Variants in ZNF224 observed in about 807,000 individuals in gnomAD.
The protein encoded by ZNF224 is bone marrow zinc finger 2.
Under a neutral mutation model 10.5 loss-of-function variants are expected in ZNF224, and 8 were observed. The ratio of observed to expected loss-of-function variants is 0.76; its 90% CI spans 0.45 to 1.37. The LOEUF (loss-of-function observed/expected upper bound fraction) is 1.37, where lower values mean the gene tolerates loss of function less well. Among genes scored for constraint, ZNF224 ranks in the 40% most tolerant of loss-of-function variants. The pLI is 0.00. For synonymous variants in ZNF224, 282 were observed against 287.8 expected (o/e 0.98, Z 0.20); for missense variants, 754 against 854.0 (o/e 0.88, Z 1.46).
Position 44,106,835 on chromosome 19 carries a change from C to T in ZNF224, c.675C>T (p.Val225=). The T allele has an allele frequency of 6.2e-7, 1 of 1,613,634 alleles. No individual in the cohort carries two copies. Among genetic ancestry groups the T allele is most frequent in the Non-Finnish European group, 8.5e-7 (1 of 1,179,712 alleles). ...CACATCTGCAAACTCATCAGAGAGT[C>T]CACACTGGAGAGAAACCGTTCAAAT... ...QSSHLQTHQR[V]HTGEKPFKCV... Residue 225 remains valine, a synonymous_variant, in exon 6 of 6, where the codon GTC becomes GTT. Transcript: ENST00000693561.
At chr19:44,106,266 T>G (rs551002194) in intron 5 of ZNF224, 130 bp from the exon 6 acceptor site, 1 of 947,542 alleles carries the variant, frequency 1.1e-6, no homozygotes, top group African/African-American at 1.7e-5. Context: ...AAGATTATGG[T>G]GCACTTGAAA....
At chr19:44,097,029 G>C (rs906641152) in intron 2 of ZNF224, 1 of 208,116 alleles carries the variant, frequency 4.8e-6, no homozygotes, top group Non-Finnish European at 1.0e-5. Context: ...CTTCATTGGT[G>C]ATCTCAACCT....
intron 3 of ZNF224, among the ~76,000 whole-genome samples, chr19:44,100,545 G>T (rs557804479): frequency 1.2e-4 from 19 of 152,228 alleles, no homozygotes; most frequent in African/African-American, 4.3e-4. Flanking sequence ...GTCCTAGAGG[G>T]TTACTTACAA....
intron 1 of ZNF224, chr19:44,095,010 G>A: frequency 5.2e-6 from 1 of 192,116 alleles, no homozygotes; most frequent in Non-Finnish European, 1.1e-5. Flanking sequence ...CGAGGGTTGC[G>A]TCCACTTTCA....
intron 2 of ZNF224, 75 bp from the exon 3 acceptor site, chr19:44,097,731 C>A: frequency 1.2e-6 from 1 of 833,612 alleles, no homozygotes; most frequent in Non-Finnish European, 2.0e-6. Flanking sequence ...ATTCACAATA[C>A]ACATCCCTGT....
Position 44,109,635 on chromosome 19 carries a change from T to C in ZNF224, c.*1351T>C, listed in dbSNP as rs180914415. On this transcript the variant is annotated 3_prime_UTR_variant, in exon 6 of 6. Transcript: ENST00000693561. ...AACTCCAAAAAGTAGAAGACCACAT[T>C]GATGATGTCACTGCATTTTAAAATG... 12 of 152,294 alleles carry C rather than the reference T, an allele frequency of 7.9e-5. No individual in the cohort carries two copies. The highest frequency in any genetic ancestry group is 2.0e-4 in the Admixed American group (3 of 15,302). The allele number at this position is 152,294 out of a possible 1,614,324, so 9.4% of individuals were successfully genotyped here. A position where few individuals can be genotyped will look rare whatever the true frequency, so the allele number is the denominator to read the frequency against.
chr19:44,101,171 A>G lies in ZNF224; in HGVS notation c.181A>G (p.Arg61Gly), dbSNP rs118149610. Residue 61 changes from arginine to glycine, a missense_variant, in exon 5 of 6, where the codon AGG becomes GGG. Transcript: ENST00000693561. ...AFHRDTFHFLREEKIWMMKTA... is the reference protein window; with the variant it reads ...AFHRDTFHFLGEEKIWMMKTA... ...CCACAGGGATACTTTCCACTTCCTA[A>G]GGGAAGAAAAGATTTGGATGATGAA... The G allele has an allele frequency of 0.019, 30,538 of 1,614,128 alleles. 369 individuals carry two copies. The highest frequency in any genetic ancestry group is 0.023 in the Non-Finnish European group (27,387 of 1,179,964).
At position 44,103,185 on chromosome 19, in the gene ZNF224, C is replaced by G. The variant is rs142297121; in HGVS notation, c.235+1960C>G. 2.4e-3 allele frequency among the ~76,000 whole-genome samples: 367 copies of G among 152,274 alleles called. 3 individuals are homozygous for G. Among genetic ancestry groups the G allele is most frequent in the Middle Eastern group, 0.01 (3 of 294 alleles). On this transcript the variant is annotated intron_variant, in intron 5 of 5. Coordinates refer to ENST00000693561, the MANE Select transcript of ZNF224 (RefSeq NM_001321645.3). ...TTATAACTTGGAAGGAATCAGGAAA[C>G]TGCCCTCTCAAAATACTGACATCCT...
At chr19:44,095,224 C>T (rs1406059405) in intron 1 of ZNF224, 2 of 216,662 alleles carry the variant, frequency 9.2e-6, no homozygotes, top group East Asian at 1.1e-4. Flanking sequence ...GTTGTGTCCT[C>T]GGGCATGGGG....
intron 3 of ZNF224, among the ~76,000 whole-genome samples, chr19:44,100,391 A>G (rs537059156): frequency 3.2e-4 from 49 of 152,346 alleles, no homozygotes; most frequent in Non-Finnish European, 5.0e-4. Context: ...AAGAAAAACA[A>G]TAACATCCAG....
chr19:44,107,230 G>A lies in ZNF224; in HGVS notation c.1070G>A (p.Arg357Gln), dbSNP rs142426196. 87 of 1,598,420 alleles carry A rather than the reference G, an allele frequency of 5.4e-5. No individual in the cohort carries two copies. In the East Asian group the frequency reaches 8.3e-4, roughly 15 times the overall value. ...EECGKGFICR[R>Q]DLYTHHMVHT... ...TGTGGAAAAGGCTTTATTTGTAGGC[G>A]AGATCTTTATACGCATCATATGGTC... is the stretch of plus-strand genomic sequence containing the variant. Residue 357 changes from arginine (R) to glutamine (Q), a missense_variant, in exon 6 of 6, where the codon CGA becomes CAA. Coordinates refer to ENST00000693561, the MANE Select transcript of ZNF224 (RefSeq NM_001321645.3).
chr19:44,102,731 A>G (rs377758075), intron 5 of ZNF224, among the ~76,000 whole-genome samples: 13 of 152,324 alleles, frequency 8.5e-5, no homozygotes, highest in African/African-American at 2.4e-4. Context: ...GGAGCTTTTC[A>G]TAGGAAGCAT....
intron 3 of ZNF224, among the ~76,000 whole-genome samples, chr19:44,099,936 T>C (rs1159475568): frequency 1.3e-5 from 2 of 152,216 alleles, no homozygotes; most frequent in Non-Finnish European, 2.9e-5. Context: ...TGTTCTTTAT[T>C]GGATTGGTAA....
rs774495118 is a variant in ZNF224, at chr19:44,107,323, T to A, written c.1163T>A (p.Leu388Ter). The change falls in exon 6 of 6, where the codon TTG becomes TAG. Residue 388 changes from leucine to a stop codon, truncating the protein, a stop_gained. Transcript: ENST00000693561. LOFTEE classifies it low-confidence loss of function (END_TRUNC). ...GKSFRWASCL[L>*]KHQRVHSGEK... is the part of the protein sequence containing the mutation. ...AGCTTCAGATGGGCCTCGTGTCTTTTGAAACATCAGCGAGTCCACAGTGGA... is the reference window on the plus strand; with the variant it reads ...AGCTTCAGATGGGCCTCGTGTCTTTAGAAACATCAGCGAGTCCACAGTGGA... 6 of 1,585,460 alleles carry A rather than the reference T, an allele frequency of 3.8e-6. No individual in the cohort carries two copies. The Admixed American group carries it at 1.1e-4, about 29-fold the overall frequency.
Position 44,106,423 on chromosome 19 carries a change from C to G in ZNF224, c.263C>G (p.Thr88Ser). Residue 88 changes from threonine (T) to serine (S), a missense_variant, in exon 6 of 6, where the codon ACT becomes AGT. Transcript: ENST00000693561. Reference sequence around the variant, plus strand: ...GACAAGATCCAAACTGAGATGGAGACTGTTTCAGAAGCAGGAACACATCAA... The same window carrying G: ...GACAAGATCCAAACTGAGATGGAGAGTGTTTCAGAAGCAGGAACACATCAA... The part of the protein sequence containing the change: ...SGDKIQTEME[T>S]VSEAGTHQEW... The G allele has an allele frequency of 1.9e-6, 3 of 1,614,144 alleles. No homozygotes were observed. The highest frequency in any genetic ancestry group is 2.5e-6 in the Non-Finnish European group (3 of 1,180,024).
chr19:44,094,792 A>G (rs1217137815), intron 1 of ZNF224: 1 of 152,172 alleles, frequency 6.6e-6, no homozygotes. Flanking sequence ...GGGCCATCCT[A>G]ATGGAATCGT....
At chr19:44,102,080 C>T (rs1447339764) in intron 5 of ZNF224, among the ~76,000 whole-genome samples, 3 of 152,174 alleles carry the variant, frequency 2.0e-5, no homozygotes, top group Non-Finnish European at 4.4e-5. Flanking sequence ...GATCATAAGT[C>T]CTGGGGACTG....
At chr19:44,095,360 CAG>C (rs1243829489) in intron 1 of ZNF224, 2 of 152,302 alleles carry the variant, frequency 1.3e-5, no homozygotes, top group Non-Finnish European at 2.9e-5. Context: ...AAGTGAGACA[CAG>C]AGCGCATAGG....
chr19:44,108,003 C>T lies in ZNF224; in HGVS notation c.1843C>T (p.Gln615Ter), dbSNP rs1322631314. Residue 615 changes from glutamine to a stop codon, truncating the protein, a stop_gained, in exon 6 of 6, where the codon CAG becomes TAG. Coordinates refer to ENST00000693561, the MANE Select transcript of ZNF224 (RefSeq NM_001321645.3). LOFTEE classifies it low-confidence loss of function (END_TRUNC). Reference protein sequence around the residue: ...FSWSSTRLTHQRRHSRETPLK... With the variant: ...FSWSSTRLTH ...CTGGTCCTCAACTCGTCTGACCCATCAGAGACGCCACAGCAGAGAAACACC... is the reference window on the plus strand; with the variant it reads ...CTGGTCCTCAACTCGTCTGACCCATTAGAGACGCCACAGCAGAGAAACACC... 6.2e-7 allele frequency: 1 copy of T among 1,614,164 alleles called. No homozygotes were observed. The highest frequency in any genetic ancestry group is 1.6e-4 in the Middle Eastern group (1 of 6,062).
Sources: allele counts gnomAD v4.1 joint callset (sites outside exome capture counted in the v4.1 genomes callset), GRCh38; gene constraint gnomAD v4.1.1; transcripts MANE v1.5; gene names NCBI Gene and HGNC (gene_info 2026-07-23, HGNC 2026-07-21).